Variants in FABP12 observed in about 807,000 individuals in gnomAD.
FABP12 encodes the protein fatty acid binding protein 12.
FABP12 carries 19 observed loss-of-function variants against 13.7 expected under a neutral mutation model. That is an observed-to-expected ratio of 1.39 (90% CI 0.97 to 2.04). The LOEUF (loss-of-function observed/expected upper bound fraction) is 2.04, where lower values mean the gene tolerates loss of function less well. Among genes scored for constraint, FABP12 ranks in the 30% most tolerant of loss-of-function variants. The pLI, the probability that FABP12 is intolerant of heterozygous loss-of-function variation, is 0.00. For missense variants in FABP12, 182 were observed against 164.2 expected (o/e 1.11, Z -0.59); for synonymous variants, 61 against 57.0 (o/e 1.07, Z -0.32).
intron 4 of FABP12, chr8:81,526,516 T>C (rs763695936): frequency 6.6e-6 from 1 of 152,500 alleles, no homozygotes; most frequent in East Asian, 1.9e-4. Flanking sequence ...AGCTTTACCT[T>C]ACAGGATTAT....
At chr8:81,558,302 G>A (rs1261777460) in intron 1 of FABP12, among the ~76,000 whole-genome samples, 1 of 152,100 alleles carries the variant, frequency 6.6e-6, no homozygotes, top group East Asian at 1.9e-4. Flanking sequence ...GACCTAAGAG[G>A]GTGCATTGCA....
At chr8:81,543,199 C>T (rs1050884276) in intron 1 of FABP12, among the ~76,000 whole-genome samples, 11 of 152,258 alleles carry the variant, frequency 7.2e-5, no homozygotes, top group East Asian at 3.9e-4. Context: ...CATGTACTTA[C>T]GAAACTAATT....
At chr8:81,535,776 T>C (rs915329228), upstream of FABP12, among the ~76,000 whole-genome samples, 8 of 152,218 alleles carry the variant, frequency 5.3e-5, no homozygotes, top group Admixed American at 5.2e-4. Flanking sequence ...TTCTTCCTTC[T>C]GTGGGCTTGT....
chr8:81,548,796 G>A (rs1183874867), intron 1 of FABP12, among the ~76,000 whole-genome samples: 1 of 152,138 alleles, frequency 6.6e-6, no homozygotes, highest in Non-Finnish European at 1.5e-5. Context: ...TGTATGGTGT[G>A]GGGGTGGGGC....
At chr8:81,526,543 T>C (rs191713167) in intron 4 of FABP12, 2 of 152,516 alleles carry the variant, frequency 1.3e-5, no homozygotes, top group Admixed American at 6.5e-5. Context: ...AATTGGGAAA[T>C]AATATTAATA....
chr8:81,525,771 CT>C (rs1808885443), intron 4 of FABP12: 1 of 152,074 alleles, frequency 6.6e-6, no homozygotes, highest in Admixed American at 6.5e-5. Context: ...ATGCATTTTG[CT>C]ATTTTACATA....
chr8:81,555,319 A>G (rs1809593494), intron 1 of FABP12, among the ~76,000 whole-genome samples: 1 of 152,380 alleles, frequency 6.6e-6, no homozygotes, highest in South Asian at 2.1e-4. Context: ...TTCTATGTAC[A>G]GAGAAAAATA....
upstream of FABP12, among the ~76,000 whole-genome samples, chr8:81,534,102 TAC>T (rs1165586040): frequency 1.3e-5 from 2 of 151,838 alleles, no homozygotes; most frequent in Non-Finnish European, 2.9e-5. Flanking sequence ...CACACATACA[TAC>T]ACACACTCTC....
intron 1 of FABP12, among the ~76,000 whole-genome samples, chr8:81,587,770 G>A (rs532049960): frequency 6.6e-6 from 1 of 152,188 alleles, no homozygotes; most frequent in Admixed American, 6.5e-5. Context: ...GAACTAATAG[G>A]ATAGATGTAT....
chr8:81,555,687 C>T (rs947800687), intron 1 of FABP12, among the ~76,000 whole-genome samples: 1 of 152,120 alleles, frequency 6.6e-6, no homozygotes, highest in Non-Finnish European at 1.5e-5. Flanking sequence ...AGGCAACATC[C>T]TATTCCATAG....
chr8:81,565,498 A>C (rs1349094260), intron 1 of FABP12, among the ~76,000 whole-genome samples: 1 of 152,126 alleles, frequency 6.6e-6, no homozygotes, highest in Non-Finnish European at 1.5e-5. Flanking sequence ...TTCTCTGACC[A>C]CAATGGAATA....
At chr8:81,527,513 C>A (rs917741268) in intron 3 of FABP12, among the ~76,000 whole-genome samples, 5 of 152,086 alleles carry the variant, frequency 3.3e-5, no homozygotes, top group African/African-American at 4.8e-5. Context: ...CAGGCACATA[C>A]CACCACGCCC....
intron 1 of FABP12, among the ~76,000 whole-genome samples, chr8:81,561,537 A>G (rs979614002): frequency 2.0e-5 from 3 of 152,200 alleles, no homozygotes; most frequent in African/African-American, 4.8e-5. Context: ...TGATCACAGT[A>G]TCTGGTTTTA....
chr8:81,560,490 A>G (rs969382724), intron 1 of FABP12, among the ~76,000 whole-genome samples: 5 of 152,140 alleles, frequency 3.3e-5, no homozygotes, highest in Non-Finnish European at 5.9e-5. Context: ...ATTGGCCTCA[A>G]AAAAGGTTGT....
At chr8:81,541,269 A>C (rs1160363359) in intron 1 of FABP12, among the ~76,000 whole-genome samples, 1 of 152,206 alleles carries the variant, frequency 6.6e-6, no homozygotes, top group Non-Finnish European at 1.5e-5. Flanking sequence ...AGCATTGCAG[A>C]TGATCAGAAC....
At chr8:81,583,101 A>C (rs1280861717) in intron 1 of FABP12, among the ~76,000 whole-genome samples, 1 of 152,204 alleles carries the variant, frequency 6.6e-6, no homozygotes, top group Non-Finnish European at 1.5e-5. Context: ...CTCTTGAAAG[A>C]CCACTGGGTC....
chr8:81,527,325 A>C (rs1457425507), intron 3 of FABP12, among the ~76,000 whole-genome samples: 1 of 152,148 alleles, frequency 6.6e-6, no homozygotes, highest in Admixed American at 6.5e-5. Flanking sequence ...CAAGAGTAAA[A>C]CTGTAATATT....
At chr8:81,577,391 T>C (rs1287287056) in intron 1 of FABP12, among the ~76,000 whole-genome samples, 1 of 152,234 alleles carries the variant, frequency 6.6e-6, no homozygotes, top group African/African-American at 2.4e-5. Flanking sequence ...CTAAATGTAT[T>C]AGATAAAGAA....
At chr8:81,582,056 T>C (rs1810170776) in intron 1 of FABP12, among the ~76,000 whole-genome samples, 1 of 149,860 alleles carries the variant, frequency 6.7e-6, no homozygotes, top group Non-Finnish European at 1.5e-5. Context: ...AATGTATCAG[T>C]AATAACTTTG....
Sources: allele counts gnomAD v4.1 joint callset (sites outside exome capture counted in the v4.1 genomes callset), GRCh38; gene constraint gnomAD v4.1.1; transcripts MANE v1.5; gene names NCBI Gene and HGNC (gene_info 2026-07-23, HGNC 2026-07-21).